CSTPP1: variants seen among roughly 807,000 people sequenced by gnomAD.
CSTPP1 encodes centriolar satellite-associated tubulin polyglutamylase complex regulator 1.
the CSTPP1 span, among the ~76,000 whole-genome samples, chr11:47,159,432 C>T: frequency 6.6e-6 from 1 of 152,050 alleles, no homozygotes; most frequent in Non-Finnish European, 1.5e-5. Flanking sequence ...ATCGGTTGAG[C>T]CCAGAAGGCG....
the CSTPP1 span, among the ~76,000 whole-genome samples, chr11:47,082,356 A>G: frequency 6.6e-6 from 1 of 152,086 alleles, no homozygotes; most frequent in Non-Finnish European, 1.5e-5. Context: ...ACAATAACAA[A>G]AGATTAACAA....
At chr11:47,022,010 C>A in the CSTPP1 span, among the ~76,000 whole-genome samples, 2 of 151,656 alleles carry the variant, frequency 1.3e-5, no homozygotes, top group African/African-American at 2.4e-5. Context: ...CTCTGTTCTA[C>A]CTTGGTCTCT....
chr11:47,092,359 G>A, the CSTPP1 span, among the ~76,000 whole-genome samples: 3 of 152,084 alleles, frequency 2.0e-5, no homozygotes, highest in Admixed American at 1.3e-4. Context: ...CATAACGAGA[G>A]TCACACCAGT....
At chr11:47,153,803 C>T in the CSTPP1 span, among the ~76,000 whole-genome samples, 49 of 152,320 alleles carry the variant, frequency 3.2e-4, no homozygotes, top group Admixed American at 2.1e-3. Flanking sequence ...ACCACAATAT[C>T]GTAGTCTCTG....
the CSTPP1 span, among the ~76,000 whole-genome samples, chr11:47,146,133 C>T: frequency 6.6e-6 from 1 of 151,848 alleles, no homozygotes; most frequent in South Asian, 2.1e-4. Context: ...GAGGCCGAGG[C>T]GGGTGGATCA....
At chr11:47,137,284 T>G in the CSTPP1 span, 6 of 1,315,898 alleles carry the variant, frequency 4.6e-6, no homozygotes, top group African/African-American at 1.5e-5. Context: ...TTCAGCAAAT[T>G]TAACCGGCTT....
the CSTPP1 span, among the ~76,000 whole-genome samples, chr11:47,018,043 G>T: frequency 6.6e-6 from 1 of 152,144 alleles, no homozygotes; most frequent in African/African-American, 2.4e-5. Context: ...GATTCCTCCA[G>T]GTTGTGGCAT....
At chr11:47,067,056 G>A in the CSTPP1 span, among the ~76,000 whole-genome samples, 1 of 152,116 alleles carries the variant, frequency 6.6e-6, no homozygotes, top group Non-Finnish European at 1.5e-5. Context: ...ATGAGGTTGA[G>A]GACTTTTATT....
the CSTPP1 span, among the ~76,000 whole-genome samples, chr11:47,053,264 G>A: frequency 6.6e-6 from 1 of 152,188 alleles, no homozygotes; most frequent in Middle Eastern, 3.4e-3. Context: ...TATGAAGGAG[G>A]TTAGGGGAGA....
the CSTPP1 span, among the ~76,000 whole-genome samples, chr11:47,048,253 G>A: frequency 1.3e-4 from 20 of 152,026 alleles, no homozygotes; most frequent in Non-Finnish European, 2.1e-4. Context: ...GTAACCCAAG[G>A]GTCCATCAAC....
At chr11:47,012,285 G>A in the CSTPP1 span, among the ~76,000 whole-genome samples, 2 of 152,184 alleles carry the variant, frequency 1.3e-5, no homozygotes, top group African/African-American at 4.8e-5. Context: ...GAGGGCTTTG[G>A]GATACTGAAT....
the CSTPP1 span, among the ~76,000 whole-genome samples, chr11:47,036,014 T>G: frequency 7.9e-6 from 1 of 126,146 alleles, no homozygotes; most frequent in African/African-American, 3.7e-5. Context: ...CTCTAAGATG[T>G]TAGTGAAATG....
At chr11:47,145,914 TTTTA>T in the CSTPP1 span, among the ~76,000 whole-genome samples, 1 of 151,928 alleles carries the variant, frequency 6.6e-6, no homozygotes, top group Non-Finnish European at 1.5e-5. Flanking sequence ...TTTTATTTTA[TTTTA>T]TTTTATTTTA....
the CSTPP1 span, among the ~76,000 whole-genome samples, chr11:47,003,076 A>C: frequency 2.0e-5 from 3 of 152,216 alleles, no homozygotes; most frequent in Non-Finnish European, 1.5e-5. Context: ...TTGGGAAGCC[A>C]AGGTGGGAAA....
At chr11:46,945,594 G>A in the CSTPP1 span, among the ~76,000 whole-genome samples, 3 of 151,976 alleles carry the variant, frequency 2.0e-5, no homozygotes, top group South Asian at 2.1e-4. Flanking sequence ...CAGCCTGGGC[G>A]ACAGAGCAAG....
the CSTPP1 span, among the ~76,000 whole-genome samples, chr11:47,000,380 G>A: frequency 3.2e-4 from 49 of 152,284 alleles, 1 homozygote; most frequent in Non-Finnish European, 3.4e-4. Flanking sequence ...AGGCTAAATT[G>A]ATAGTTCCAA....
At chr11:47,056,778 G>A in the CSTPP1 span, among the ~76,000 whole-genome samples, 3 of 152,120 alleles carry the variant, frequency 2.0e-5, no homozygotes, top group African/African-American at 2.4e-5. Flanking sequence ...AACTCTTGGC[G>A]GCAAGGTTCT....
At chr11:47,022,718 TATTG>T in the CSTPP1 span, among the ~76,000 whole-genome samples, 3 of 152,166 alleles carry the variant, frequency 2.0e-5, no homozygotes, top group Non-Finnish European at 4.4e-5. Context: ...CTCTGGAAAA[TATTG>T]ATTTTCTAAG....
the CSTPP1 span, among the ~76,000 whole-genome samples, chr11:47,039,825 C>A: frequency 1.0e-4 from 13 of 128,146 alleles, 4 homozygotes; most frequent in Non-Finnish European, 2.2e-4. Context: ...GGCGAAAGAG[C>A]GAGACTCCGT....
Sources: gnomAD v4.1 joint callset for allele counts (sites outside exome capture counted in the v4.1 genomes callset) on GRCh38, gnomAD v4.1.1 for gene constraint, MANE v1.5 for transcripts, NCBI Gene and HGNC (gene_info 2026-07-23, HGNC 2026-07-21) for gene names.